The following TOP1 variants were observed in gnomAD, a reference collection of about 807,000 sequenced individuals.
TOP1 encodes the protein DNA topoisomerase I, also known as DNA topoisomerase 1.
TOP1 carries 10 observed loss-of-function variants against 111.1 expected under a neutral mutation model. That is an observed-to-expected ratio of 0.09 (90% CI 0.06 to 0.15). TOP1 has a LOEUF of 0.15. Among genes scored for constraint, TOP1 ranks in the 10% least tolerant of loss-of-function variants. The probability of loss-of-function intolerance (pLI) is 1.00; values close to 1 mark genes in which losing one functional copy is unlikely to be tolerated. For synonymous variants in TOP1, 271 were observed against 302.9 expected, an observed-to-expected ratio of 0.89 and a Z score of 1.10; for missense variants, 474 against 926.7, an observed-to-expected ratio of 0.51 and a Z score of 6.34.
At position 41,077,454 on chromosome 20, in the gene TOP1, A is replaced by C. The variant is rs1046593229; in HGVS notation, c.280-128A>C. 5.6e-6 allele frequency: 4 copies of C among 716,114 alleles called. No individual in the cohort carries two copies. The African/African-American group carries it at 7.1e-5, about 13-fold the overall frequency. 44.4% of individuals were successfully genotyped at this position (716,114 alleles called of 1,614,324 possible). ...TTCAGGACCTTTAGTTCATCTGTTC[A>C]GTTTTGGTAACATAAGAGCCAGCTT... On this transcript the variant is annotated intron_variant, in intron 4 of 20. Coordinates refer to ENST00000361337, the MANE Select transcript of TOP1 (RefSeq NM_003286.4).
chr20:41,062,366 G>A (rs1054696565), intron 3 of TOP1, among the ~76,000 whole-genome samples: 1 of 152,170 alleles, frequency 6.6e-6, no homozygotes, highest in Non-Finnish European at 1.5e-5. Context: ...TTCTAAGTCT[G>A]TTCTTTTTCG....
intron 2 of TOP1, among the ~76,000 whole-genome samples, chr20:41,047,541 TGAAAG>T (rs1555803047): frequency 2.6e-5 from 4 of 152,144 alleles, no homozygotes; most frequent in Non-Finnish European, 4.4e-5. Context: ...GGAAAAAAAT[TGAAAG>T]GAGAGTATTA....
chr20:41,108,233 C>G lies in TOP1; in HGVS notation c.1309-4549C>G, dbSNP rs374329962. ...ATTCTAAGAGTCGTCTTTGTTTACT[C>G]TTGTGTCTATATTTTACTTACTTAA... On this transcript the variant is annotated intron_variant, in intron 13 of 20. Transcript: ENST00000361337. 1.5e-4 allele frequency among the ~76,000 whole-genome samples: 23 copies of G among 152,274 alleles called. 1 individual carries two copies. In the South Asian group the frequency reaches 4.6e-3, roughly 30 times the overall value.
Position 41,112,742 on chromosome 20 carries a change from T to C in TOP1, c.1309-40T>C. 1 of 1,609,444 alleles carries C rather than the reference T, an allele frequency of 6.2e-7. No individual in the cohort carries two copies. ...TATTCAAAGTCTGTCTTTACTACAC[T>C]GTCCCAAAGTAATCTACATTTGGGT... is the stretch of plus-strand genomic sequence containing the variant. On this transcript the variant is annotated intron_variant, in intron 13 of 20. Coordinates refer to ENST00000361337, the MANE Select transcript of TOP1 (RefSeq NM_003286.4). The surrounding 1 kb of genome is among the most constrained non-coding windows in gnomAD (Gnocchi z 5.8).
chr20:41,051,812 C>CAT (rs1393796870), intron 2 of TOP1, among the ~76,000 whole-genome samples: 1 of 152,064 alleles, frequency 6.6e-6, no homozygotes, highest in African/African-American at 2.4e-5. Context: ...CTCAAATGCA[C>CAT]ATATACAACC....
chr20:41,118,173 T>C lies in TOP1; in HGVS notation c.1827T>C (p.Asp609=), dbSNP rs770314124. 14 of 1,613,648 alleles carry C rather than the reference T, an allele frequency of 8.7e-6. No homozygotes were observed. Among genetic ancestry groups the C allele is most frequent in the Non-Finnish European group, 1.2e-5 (14 of 1,179,616 alleles). Residue 609 remains aspartate (D), a synonymous_variant, in exon 18 of 21, where the codon GAT becomes GAC. Coordinates refer to ENST00000361337, the MANE Select transcript of TOP1 (RefSeq NM_003286.4). This position sits in a 1 kb window ranked among gnomAD's most constrained non-coding sequence, Gnocchi z 4.6. ...QQQLKELTAP[D]ENIPAKILSY... is the part of the protein sequence containing the mutation. The stretch of plus-strand genomic sequence containing the variant: ...ACCATGTTCCTTTCTTTACAGCGGA[T>C]GAGAACATCCCAGCGAAGATCCTTT...
At position 41,116,188 on chromosome 20, in the gene TOP1, G is replaced by GT; in HGVS notation, c.1708-89dup. The GT allele has an allele frequency of 1.3e-6, 1 of 774,648 alleles. No homozygotes were observed. The highest frequency in any genetic ancestry group is 2.2e-6 in the Non-Finnish European group (1 of 457,924). The allele number at this position is 774,648 out of a possible 1,614,324, so 48.0% of individuals were successfully genotyped here. ...GTAGGGCAATAAACTTGACAAGATT[G>GT]TGACTGCACTGGCATAAATTACTCC... On this transcript the variant is annotated intron_variant, in intron 16 of 20. Transcript: ENST00000361337. This position sits in a 1 kb window ranked among gnomAD's most constrained non-coding sequence, Gnocchi z 5.6.
chr20:41,063,051 T>C (rs139644385), intron 3 of TOP1, among the ~76,000 whole-genome samples: 2 of 152,234 alleles, frequency 1.3e-5, no homozygotes, highest in African/African-American at 4.8e-5. Flanking sequence ...ACCCAGGTAC[T>C]GAGCATAGAA....
In TOP1 at chr20:41,058,535, T is replaced by G. The variant is rs1387143263; in HGVS notation, c.59-2859T>G. Among the ~76,000 whole-genome samples, 1 of 152,210 alleles carries G rather than the reference T, an allele frequency of 6.6e-6. No individual in the cohort carries two copies. Among genetic ancestry groups the G allele is most frequent in the Non-Finnish European group, 1.5e-5 (1 of 68,032 alleles). On this transcript the variant is annotated intron_variant, in intron 2 of 20. Transcript: ENST00000361337. This position sits in a 1 kb window ranked among gnomAD's most constrained non-coding sequence, Gnocchi z 4.2. ...TACTACATGGGCCTTTCCAGAGGGC[T>G]TCTGAGTGAGTACATGACAGTGTGT...
intron 4 of TOP1, among the ~76,000 whole-genome samples, chr20:41,076,734 A>G (rs556588141): frequency 7.9e-5 from 12 of 152,222 alleles, no homozygotes; most frequent in Non-Finnish European, 1.5e-4. Context: ...AGTACTCTGT[A>G]TAGTTTTAAA....
At chr20:41,047,922 CT>C (rs1463642760) in intron 2 of TOP1, among the ~76,000 whole-genome samples, 2 of 152,096 alleles carry the variant, frequency 1.3e-5, no homozygotes, top group African/African-American at 4.8e-5. Flanking sequence ...AAGAAAACTT[CT>C]ATTTTAAAGA....
In TOP1 at chr20:41,123,210, T is replaced by C. The variant is rs2145974994; in HGVS notation, c.2211T>C (p.Gly737=). The part of the protein sequence containing the change: ...RITVAWCKKW[G]VPIEKIYNKT... ...TTGTTTGCAGGTGCAAGAAGTGGGG[T>C]GTCCCAATTGAGAAGATTTACAACA... Residue 737 remains glycine (G), a synonymous_variant, in exon 21 of 21, where the codon GGT becomes GGC. Transcript: ENST00000361337. The surrounding 1 kb of genome is among the most constrained non-coding windows in gnomAD (Gnocchi z 5.8). 1.2e-6 allele frequency: 2 copies of C among 1,613,826 alleles called. No homozygotes were observed. Among genetic ancestry groups the C allele is most frequent in the East Asian group, 4.5e-5 (2 of 44,868 alleles).
intron 13 of TOP1, among the ~76,000 whole-genome samples, chr20:41,107,506 A>G (rs924325650): frequency 2.6e-5 from 4 of 152,206 alleles, no homozygotes; most frequent in Non-Finnish European, 4.4e-5. Context: ...AAGTTATTCC[A>G]TCTATAATTT....
chr20:41,114,943 A>G lies in TOP1; in HGVS notation c.1639-428A>G, dbSNP rs773602778. 4.6e-5 allele frequency among the ~76,000 whole-genome samples: 7 copies of G among 152,232 alleles called. No individual in the cohort carries two copies. The highest frequency in any genetic ancestry group is 7.2e-5 in the African/African-American group (3 of 41,446). ...AAGTACTCTGGACAGATTAGATAAC[A>G]GTATGTATCAATGTAAATTTTTGAA... is the stretch of plus-strand genomic sequence containing the variant. On this transcript the variant is annotated intron_variant, in intron 15 of 20. Transcript: ENST00000361337. The surrounding 1 kb of genome is among the most constrained non-coding windows in gnomAD (Gnocchi z 4.5).
chr20:41,109,809 A>G lies in TOP1; in HGVS notation c.1309-2973A>G, dbSNP rs2034205601. Among the ~76,000 whole-genome samples, 5 of 152,250 alleles carry G rather than the reference A, an allele frequency of 3.3e-5. No individual in the cohort carries two copies. Among genetic ancestry groups the G allele is most frequent in the Admixed American group, 3.3e-4 (5 of 15,290 alleles). ...GTATTTTTACCTCAAGTGAAATAAAAACATTTATCCATGAAAAAACTTGTA... is the reference window on the plus strand; with the variant it reads ...GTATTTTTACCTCAAGTGAAATAAAGACATTTATCCATGAAAAAACTTGTA... On this transcript the variant is annotated intron_variant, in intron 13 of 20. Coordinates refer to ENST00000361337, the MANE Select transcript of TOP1 (RefSeq NM_003286.4). The surrounding 1 kb of genome is among the most constrained non-coding windows in gnomAD (Gnocchi z 4.1).
intron 2 of TOP1, among the ~76,000 whole-genome samples, chr20:41,045,975 T>C (rs1477179023): frequency 2.0e-5 from 3 of 152,172 alleles, no homozygotes; most frequent in Non-Finnish European, 4.4e-5. Flanking sequence ...CAAAATCCGA[T>C]TGTAGCTTTG....
intron 2 of TOP1, among the ~76,000 whole-genome samples, chr20:41,054,729 G>A (rs1458143912): frequency 6.6e-6 from 1 of 152,162 alleles, no homozygotes; most frequent in African/African-American, 2.4e-5. Context: ...GTCCTTGTCT[G>A]GTGAGTCTTT....
At chr20:41,040,186 A>G (rs2033243699) in intron 2 of TOP1, among the ~76,000 whole-genome samples, 2 of 152,252 alleles carry the variant, frequency 1.3e-5, no homozygotes, top group African/African-American at 4.8e-5. Flanking sequence ...CTAATCCATG[A>G]AGTATCTTGA....
At chr20:41,096,227 C>T (rs143325154) in intron 9 of TOP1, among the ~76,000 whole-genome samples, 9 of 152,248 alleles carry the variant, frequency 5.9e-5, no homozygotes, top group East Asian at 3.9e-4. Flanking sequence ...CCACCACGCC[C>T]GGCTAATTTT....
Sources: allele counts gnomAD v4.1 joint callset (sites outside exome capture counted in the v4.1 genomes callset), GRCh38; gene constraint gnomAD v4.1.1; non-coding constraint Gnocchi (gnomAD v3.1); transcripts MANE v1.5; gene names NCBI Gene and HGNC (gene_info 2026-07-23, HGNC 2026-07-21).